Variants in RHBDL3 observed in about 807,000 individuals in gnomAD.
The protein encoded by RHBDL3 is rhomboid like 3.
Under a neutral mutation model 48.2 loss-of-function variants are expected in RHBDL3, and 28 were observed. The ratio of observed to expected loss-of-function variants is 0.58; its 90% CI spans 0.43 to 0.80. The LOEUF (loss-of-function observed/expected upper bound fraction) is 0.80, where lower values mean the gene tolerates loss of function less well. RHBDL3 is among the 30% of genes least tolerant of loss of function. RHBDL3 has a pLI of 0.00. For synonymous variants in RHBDL3, 208 were observed against 232.3 expected (o/e 0.90, Z 0.95); for missense variants, 464 against 542.7 (o/e 0.85, Z 1.44).
At chr17:32,313,751 C>CTTTTTTTTTTT (rs559422433) in intron 7 of RHBDL3, among the ~76,000 whole-genome samples, 6 of 98,628 alleles carry the variant, frequency 6.1e-5, no homozygotes, top group East Asian at 2.8e-4. Context: ...AATTCCCTCC[C>CTTTTTTTTTTT]TTTTTTTTTT....
At chr17:32,290,071 TAAC>T (rs1395354070) in intron 4 of RHBDL3, among the ~76,000 whole-genome samples, 2 of 152,142 alleles carry the variant, frequency 1.3e-5, no homozygotes, top group Admixed American at 1.3e-4. Context: ...GGCCCAATAA[TAAC>T]GAGATGCCTT....
At chr17:32,270,444 C>G (rs958335735) in intron 2 of RHBDL3, among the ~76,000 whole-genome samples, 1 of 151,892 alleles carries the variant, frequency 6.6e-6, no homozygotes, top group Admixed American at 6.6e-5. Context: ...TAGCCTTGAT[C>G]TAGCATGACG....
At position 32,321,244 on chromosome 17, in the gene RHBDL3, A is replaced by G. The variant is rs1185710807; in HGVS notation, c.*15A>G. 4 of 1,613,982 alleles carry G rather than the reference A, an allele frequency of 2.5e-6. No homozygotes were observed. The highest frequency in any genetic ancestry group is 3.4e-6 in the Non-Finnish European group (4 of 1,180,020). On this transcript the variant is annotated 3_prime_UTR_variant, in exon 9 of 9. Transcript: ENST00000269051. ...CTCCCCCCTGAGGGCTGGAGGCCCA[A>G]GGTCGGGGAGGGGAGGGAAAAGCAG...
chr17:32,301,629 T>C (rs1209782281), intron 6 of RHBDL3, among the ~76,000 whole-genome samples: 1 of 152,068 alleles, frequency 6.6e-6, no homozygotes, highest in Non-Finnish European at 1.5e-5. Flanking sequence ...GAGACCAGCC[T>C]GGCCAACATG....
chr17:32,273,377 C>T (rs934709956), intron 2 of RHBDL3, among the ~76,000 whole-genome samples: 11 of 152,222 alleles, frequency 7.2e-5, no homozygotes, highest in Admixed American at 1.3e-4. Context: ...ACAGCCAGAG[C>T]GGAGACTAGA....
At chr17:32,319,949 G>A (rs1424917943) in intron 8 of RHBDL3, among the ~76,000 whole-genome samples, 4 of 152,028 alleles carry the variant, frequency 2.6e-5, no homozygotes, top group African/African-American at 9.7e-5. Flanking sequence ...CAAGAAGCGT[G>A]GATTGGTGAT....
At chr17:32,297,662 T>G (rs1174375208) in intron 5 of RHBDL3, among the ~76,000 whole-genome samples, 1 of 139,424 alleles carries the variant, frequency 7.2e-6, no homozygotes, top group Non-Finnish European at 1.6e-5. Context: ...CTTTTTTTTT[T>G]TTTTTTTTTT....
chr17:32,277,424 G>A (rs946872314), intron 2 of RHBDL3, among the ~76,000 whole-genome samples: 4 of 152,220 alleles, frequency 2.6e-5, no homozygotes, highest in Admixed American at 6.5e-5. Flanking sequence ...TGGCTCATGG[G>A]CCTGCAGCTG....
At chr17:32,307,790 A>G (rs2040746329) in intron 7 of RHBDL3, among the ~76,000 whole-genome samples, 1 of 151,952 alleles carries the variant, frequency 6.6e-6, no homozygotes, top group Non-Finnish European at 1.5e-5. Context: ...TCAGTGCCAC[A>G]TCTTTCCCCA....
intron 2 of RHBDL3, among the ~76,000 whole-genome samples, chr17:32,279,675 T>C (rs2039995933): frequency 6.6e-6 from 1 of 152,184 alleles, no homozygotes; most frequent in South Asian, 2.1e-4. Flanking sequence ...GATTTCTCAT[T>C]TTCTACCCCC....
chr17:32,292,801 C>CAAAAAAA (rs60403728), intron 4 of RHBDL3, among the ~76,000 whole-genome samples: 6 of 77,264 alleles, frequency 7.8e-5, no homozygotes, highest in African/African-American at 3.0e-4. Context: ...GACTCCACCT[C>CAAAAAAA]AAAAAAAAAA....
chr17:32,293,536 T>C (rs1226691220), intron 4 of RHBDL3, among the ~76,000 whole-genome samples: 1 of 149,736 alleles, frequency 6.7e-6, no homozygotes, highest in Non-Finnish European at 1.5e-5. Flanking sequence ...GAGCCAAGAC[T>C]ATCATTGCAC....
chr17:32,313,914 G>T (rs2040908259), intron 7 of RHBDL3, among the ~76,000 whole-genome samples: 1 of 151,798 alleles, frequency 6.6e-6, no homozygotes, highest in African/African-American at 2.4e-5. Context: ...CTGCCACCAT[G>T]CCCAGCTAAT....
intron 6 of RHBDL3, among the ~76,000 whole-genome samples, chr17:32,299,834 T>A (rs975223344): frequency 6.6e-6 from 1 of 152,142 alleles, no homozygotes; most frequent in Non-Finnish European, 1.5e-5. Flanking sequence ...TCTGTCTGAG[T>A]CAGTGATTAA....
chr17:32,285,316 G>A (rs2040170903), intron 3 of RHBDL3, among the ~76,000 whole-genome samples: 2 of 152,212 alleles, frequency 1.3e-5, no homozygotes, highest in Admixed American at 1.3e-4. Flanking sequence ...CCCCACTCCT[G>A]TAGCTGAGAG....
At chr17:32,303,434 C>A (rs2040633279) in intron 6 of RHBDL3, among the ~76,000 whole-genome samples, 1 of 152,190 alleles carries the variant, frequency 6.6e-6, no homozygotes, top group South Asian at 2.1e-4. Context: ...TCATGCAGAT[C>A]CTGCTGCCTG....
At chr17:32,308,550 C>A (rs781057816) in intron 7 of RHBDL3, among the ~76,000 whole-genome samples, 2 of 152,102 alleles carry the variant, frequency 1.3e-5, no homozygotes, top group East Asian at 1.9e-4. Flanking sequence ...AGAGAGGCAG[C>A]GGGCAGTGAG....
chr17:32,288,868 TGGA>T lies in RHBDL3; in HGVS notation c.376_378del (p.Glu126del), dbSNP rs2040259262. 3 of 1,614,066 alleles carry T rather than the reference TGGA, an allele frequency of 1.9e-6. No individual in the cohort carries two copies. The highest frequency in any genetic ancestry group is 3.3e-5 in the Admixed American group (2 of 60,000). ...CGCAGGCTAAGCAGCAAGGCCCTGCTGGAGGAGAAGGGGCTGAGCCTCTCGCAG... is the reference window on the plus strand; with the variant it reads ...CGCAGGCTAAGCAGCAAGGCCCTGCTGGAGAAGGGGCTGAGCCTCTCGCAG... On this transcript the variant is annotated inframe_deletion, in exon 4 of 9. Transcript: ENST00000269051.
chr17:32,272,625 G>A (rs1049854902), intron 2 of RHBDL3, among the ~76,000 whole-genome samples: 3 of 152,146 alleles, frequency 2.0e-5, no homozygotes, highest in Non-Finnish European at 4.4e-5. Context: ...TCACCACAGA[G>A]CCTGCTTCCC....
Sources: allele counts gnomAD v4.1 joint callset (sites outside exome capture counted in the v4.1 genomes callset), GRCh38; gene constraint gnomAD v4.1.1; transcripts MANE v1.5; gene names NCBI Gene and HGNC (gene_info 2026-07-23, HGNC 2026-07-21).